ANKRD44: variants seen among roughly 807,000 people sequenced by gnomAD.
ANKRD44 encodes ankyrin repeat domain 44.
A neutral mutation model predicts 116.0 loss-of-function variants in ANKRD44; 35 were observed. The ratio of observed to expected loss-of-function variants is 0.30; its 90% CI spans 0.23 to 0.40. The LOEUF (loss-of-function observed/expected upper bound fraction) is 0.40, where lower values mean the gene tolerates loss of function less well. ANKRD44 is among the 10% of genes least tolerant of loss of function. The pLI is 1.00. For synonymous variants in ANKRD44, 435 were observed against 461.8 expected, an observed-to-expected ratio of 0.94 and a Z score of 0.74; for missense variants, 1,014 against 1,242.6, an observed-to-expected ratio of 0.82 and a Z score of 2.77.
At chr2:196,997,795 C>T (rs2076040539) in intron 25 of ANKRD44, among the ~76,000 whole-genome samples, 1 of 127,888 alleles carries the variant, frequency 7.8e-6, no homozygotes, top group South Asian at 3.1e-4. Context: ...AACATGTGAA[C>T]ACACCACTAT....
intron 9 of ANKRD44, among the ~76,000 whole-genome samples, chr2:197,107,352 G>T (rs758347862): frequency 7.2e-5 from 11 of 152,180 alleles, no homozygotes; most frequent in African/African-American, 2.4e-4. Context: ...CGGCATCTGA[G>T]GGGGGTGCCT....
chr2:197,265,351 A>G (rs1227805859), intron 1 of ANKRD44, among the ~76,000 whole-genome samples: 1 of 151,048 alleles, frequency 6.6e-6, no homozygotes, highest in Non-Finnish European at 1.5e-5. Flanking sequence ...GGTTCAAGTG[A>G]TTCTCCTGCC....
intron 1 of ANKRD44, among the ~76,000 whole-genome samples, chr2:197,233,568 G>A (rs916138905): frequency 6.6e-6 from 1 of 152,108 alleles, no homozygotes; most frequent in African/African-American, 2.4e-5. Flanking sequence ...GTCTCACTAT[G>A]TTGTGTCCAG....
intron 1 of ANKRD44, among the ~76,000 whole-genome samples, chr2:197,244,148 G>C (rs2082143182): frequency 6.6e-6 from 1 of 152,140 alleles, no homozygotes; most frequent in South Asian, 2.1e-4. Flanking sequence ...ACCCAACTTA[G>C]GTAGCTATAA....
chr2:197,174,482 T>A (rs573859132), intron 2 of ANKRD44, among the ~76,000 whole-genome samples: 1 of 152,352 alleles, frequency 6.6e-6, no homozygotes, highest in East Asian at 1.9e-4. Flanking sequence ...ACTGTTCACA[T>A]ATGTAACGTT....
chr2:197,093,151 A>AAT (rs945018585), intron 10 of ANKRD44, among the ~76,000 whole-genome samples: 35 of 151,838 alleles, frequency 2.3e-4, no homozygotes, highest in African/African-American at 8.2e-4. Context: ...CATAAATAAA[A>AAT]ATATATATAC....
intron 1 of ANKRD44, among the ~76,000 whole-genome samples, chr2:197,210,437 G>A (rs1038499017): frequency 1.3e-5 from 2 of 152,204 alleles, no homozygotes. Context: ...CTAGTGAGGG[G>A]CTGAGGTCCC....
intron 2 of ANKRD44, among the ~76,000 whole-genome samples, chr2:197,181,371 A>G (rs954906592): frequency 6.6e-6 from 1 of 152,164 alleles, no homozygotes; most frequent in African/African-American, 2.4e-5. Context: ...TGTTAATTCT[A>G]TTTGGTATGA....
At chr2:197,065,393 G>C (rs2077409598) in intron 16 of ANKRD44, among the ~76,000 whole-genome samples, 1 of 152,188 alleles carries the variant, frequency 6.6e-6, no homozygotes, top group South Asian at 2.1e-4. Context: ...AAAAGAACTA[G>C]AGAAGCAAGA....
In ANKRD44 at chr2:196,988,775, T is replaced by C; in HGVS notation, c.*816A>G. The C allele has an allele frequency of 1.0e-6, 1 of 985,460 alleles. No homozygotes were observed. Among genetic ancestry groups the C allele is most frequent in the Non-Finnish European group, 1.2e-6 (1 of 829,938 alleles). 61.0% of individuals were successfully genotyped at this position (985,460 alleles called of 1,614,324 possible). On this transcript the variant is annotated 3_prime_UTR_variant, in exon 28 of 28. Transcript: ENST00000282272. Reference sequence around the variant, plus strand: ...CTCAAGTAGAAAATAGCACTTGAGCTGGTGATTTTTATTTCTCCTTTTGGC... The same window carrying C: ...CTCAAGTAGAAAATAGCACTTGAGCCGGTGATTTTTATTTCTCCTTTTGGC...
At chr2:197,230,999 A>T (rs2081847897) in intron 1 of ANKRD44, among the ~76,000 whole-genome samples, 1 of 152,196 alleles carries the variant, frequency 6.6e-6, no homozygotes, top group African/African-American at 2.4e-5. Flanking sequence ...TGGGCCCAGA[A>T]GAAAAGAATA....
chr2:197,220,281 G>A (rs2081553683), intron 1 of ANKRD44, among the ~76,000 whole-genome samples: 1 of 152,032 alleles, frequency 6.6e-6, no homozygotes, highest in Non-Finnish European at 1.5e-5. Flanking sequence ...TCATTAATAT[G>A]GATAAATATT....
chr2:197,103,395 G>A (rs1000241858), intron 9 of ANKRD44, among the ~76,000 whole-genome samples: 8 of 152,074 alleles, frequency 5.3e-5, no homozygotes, highest in African/African-American at 1.9e-4. Context: ...TCCTTTTGGA[G>A]TTTATCTTGG....
intron 16 of ANKRD44, among the ~76,000 whole-genome samples, chr2:197,045,860 GA>G (rs544985938): frequency 5.7e-4 from 86 of 151,032 alleles, no homozygotes; most frequent in African/African-American, 2.0e-3. Flanking sequence ...GCATAAATTT[GA>G]AAAAAAATGA....
intron 2 of ANKRD44, among the ~76,000 whole-genome samples, chr2:197,186,647 T>TTTTTTTTTC (rs2080678084): frequency 2.2e-5 from 2 of 90,172 alleles, no homozygotes. Flanking sequence ...TTTTTTTTTT[T>TTTTTTTTTC]AGAGACAGAG....
chr2:197,219,896 C>T (rs534118457), intron 1 of ANKRD44, among the ~76,000 whole-genome samples: 4 of 152,066 alleles, frequency 2.6e-5, no homozygotes, highest in Non-Finnish European at 5.9e-5. Context: ...TTAGAGAATA[C>T]GAAGGAAGTA....
intron 1 of ANKRD44, among the ~76,000 whole-genome samples, chr2:197,237,608 A>G (rs118139259): frequency 6.6e-6 from 1 of 152,352 alleles, no homozygotes; most frequent in East Asian, 1.9e-4. Context: ...AAACGTCTAA[A>G]TGACAGCTAA....
chr2:197,304,587 G>A (rs746449864), intron 1 of ANKRD44, among the ~76,000 whole-genome samples: 45 of 152,084 alleles, frequency 3.0e-4, no homozygotes, highest in Non-Finnish European at 5.4e-4. Flanking sequence ...GAAGGGAGAG[G>A]GCAGAGCTGA....
intron 1 of ANKRD44, among the ~76,000 whole-genome samples, chr2:197,298,686 G>A (rs533847408): frequency 1.3e-5 from 2 of 152,168 alleles, no homozygotes; most frequent in Admixed American, 1.3e-4. Flanking sequence ...ACTTTGGAAA[G>A]CCAAGCAGAT....
Sources: gnomAD v4.1 joint callset for allele counts (sites outside exome capture counted in the v4.1 genomes callset) on GRCh38, gnomAD v4.1.1 for gene constraint, MANE v1.5 for transcripts, NCBI Gene and HGNC (gene_info 2026-07-23, HGNC 2026-07-21) for gene names.